ADGRL3: variants seen among roughly 807,000 people sequenced by gnomAD.
ADGRL3 encodes the protein calcium-independent alpha-latrotoxin receptor 3.
A neutral mutation model predicts 153.5 loss-of-function variants in ADGRL3; 62 were observed. The ratio of observed to expected loss-of-function variants is 0.40; its 90% CI spans 0.33 to 0.50. ADGRL3 has a LOEUF of 0.50. Among genes scored for constraint, ADGRL3 ranks in the 20% least tolerant of loss-of-function variants. The pLI is 0.47. For missense variants in ADGRL3, 1,641 were observed against 1,859.4 expected, an observed-to-expected ratio of 0.88 and a Z score of 2.16; for synonymous variants, 710 against 672.5, an observed-to-expected ratio of 1.06 and a Z score of -0.86.
chr4:61,677,831 C>T (rs1447065425), intron 6 of ADGRL3, among the ~76,000 whole-genome samples: 1 of 151,968 alleles, frequency 6.6e-6, no homozygotes. Context: ...TTGCCTCATT[C>T]ACGCTTATTA....
rs1215324786 is a variant in ADGRL3 at position 61,442,681 on chromosome 4, A to G, written c.-173-54440A>G. On this transcript the variant is annotated intron_variant, in intron 2 of 26. Coordinates refer to ENST00000683033, the MANE Select transcript of ADGRL3 (RefSeq NM_001387552.1). ...TCTGGGTTGGGTGATAGTGCTACCA[A>G]TTCAGAATAGAAAGCAGGAGGATTT... 3.3e-5 allele frequency among the ~76,000 whole-genome samples: 5 copies of G among 152,156 alleles called. No individual in the cohort carries two copies. The East Asian group carries it at 7.7e-4, about 23-fold the overall frequency.
intron 4 of ADGRL3, among the ~76,000 whole-genome samples, chr4:61,544,161 C>T (rs2148681335): frequency 6.6e-6 from 1 of 152,292 alleles, no homozygotes; most frequent in East Asian, 1.9e-4. Context: ...ATTGACCATT[C>T]TCCAGAATGA....
At chr4:62,066,456 A>G (rs777375713) in intron 25 of ADGRL3, among the ~76,000 whole-genome samples, 7 of 152,064 alleles carry the variant, frequency 4.6e-5, no homozygotes, top group Non-Finnish European at 7.4e-5. Context: ...AGGAATGAAG[A>G]TGAATAATAT....
intron 2 of ADGRL3, among the ~76,000 whole-genome samples, chr4:61,464,238 G>C (rs930215394): frequency 3.9e-5 from 6 of 152,132 alleles, no homozygotes; most frequent in Non-Finnish European, 8.8e-5. Context: ...CAGTTGCTTT[G>C]GAACAAATTT....
chr4:61,393,045 A>G (rs996125676), intron 2 of ADGRL3, among the ~76,000 whole-genome samples: 11 of 152,138 alleles, frequency 7.2e-5, no homozygotes, highest in African/African-American at 2.2e-4. Context: ...GGTTCTCTTC[A>G]TTCTAACCCT....
intron 1 of ADGRL3, among the ~76,000 whole-genome samples, chr4:61,331,902 C>T (rs940189542): frequency 6.6e-6 from 1 of 151,742 alleles, no homozygotes; most frequent in African/African-American, 2.4e-5. Flanking sequence ...ATTTTGAAAC[C>T]CTTTCATTAT....
chr4:61,287,725 G>A (rs2093995606), intron 1 of ADGRL3, among the ~76,000 whole-genome samples: 1 of 151,964 alleles, frequency 6.6e-6, no homozygotes, highest in East Asian at 1.9e-4. Context: ...GAGAGTGTGT[G>A]GGTCCTAATC....
chr4:61,471,197 C>A (rs1001660863), intron 2 of ADGRL3, among the ~76,000 whole-genome samples: 2 of 151,610 alleles, frequency 1.3e-5, no homozygotes, highest in African/African-American at 2.4e-5. Flanking sequence ...TCTCAAGCTT[C>A]TTTTTAGCAT....
intron 1 of ADGRL3, among the ~76,000 whole-genome samples, chr4:61,347,514 T>A (rs1249023582): frequency 6.6e-6 from 1 of 152,096 alleles, no homozygotes; most frequent in Non-Finnish European, 1.5e-5. Flanking sequence ...ATTCACCAAA[T>A]TGAAGAAAGC....
chr4:61,835,553 A>G (rs1427702219), intron 9 of ADGRL3, among the ~76,000 whole-genome samples: 2 of 152,116 alleles, frequency 1.3e-5, no homozygotes, highest in Non-Finnish European at 2.9e-5. Context: ...TTATTATCTG[A>G]CTTTAGCCAC....
chr4:61,271,580 C>T (rs1475004523), intron 1 of ADGRL3, among the ~76,000 whole-genome samples: 1 of 152,018 alleles, frequency 6.6e-6, no homozygotes, highest in Non-Finnish European at 1.5e-5. Context: ...AGTCTACCCA[C>T]ATTTCTGAAC....
Position 61,979,736 on chromosome 4 carries a change from G to C in ADGRL3, c.2979G>C (p.Leu993=). ...NLCISLFVAE[L]LFLIGINRTD... ...GCATCAGTCTCTTTGTAGCAGAGCT[G>C]CTCTTCCTGATTGGGATCAACCGAA... Residue 993 remains leucine (L), a synonymous_variant, in exon 18 of 27, where the codon CTG becomes CTC. Transcript: ENST00000683033. 6.2e-7 allele frequency: 1 copy of C among 1,613,896 alleles called. No individual in the cohort carries two copies.
chr4:62,024,156 T>C (rs1047878032), intron 21 of ADGRL3, among the ~76,000 whole-genome samples: 1 of 152,138 alleles, frequency 6.6e-6, no homozygotes, highest in Non-Finnish European at 1.5e-5. Context: ...AAATAAAATC[T>C]TATCTGTCAT....
intron 8 of ADGRL3, among the ~76,000 whole-genome samples, chr4:61,757,378 T>C (rs2096848290): frequency 6.6e-6 from 1 of 152,234 alleles, no homozygotes; most frequent in African/African-American, 2.4e-5. Flanking sequence ...AATTTTTCCA[T>C]TTCTTCTAGA....
chr4:61,279,011 T>A (rs1310499232), intron 1 of ADGRL3, among the ~76,000 whole-genome samples: 1 of 152,202 alleles, frequency 6.6e-6, no homozygotes, highest in African/African-American at 2.4e-5. Context: ...GTGTCTACAA[T>A]TTAGTGCTTT....
chr4:61,624,891 A>G (rs2092741062), intron 5 of ADGRL3, among the ~76,000 whole-genome samples: 4 of 152,230 alleles, frequency 2.6e-5, no homozygotes, highest in East Asian at 1.9e-4. Flanking sequence ...TAAGAAATCT[A>G]TTTTTTAAAA....
intron 4 of ADGRL3, among the ~76,000 whole-genome samples, chr4:61,585,082 T>C (rs868563620): frequency 2.0e-5 from 3 of 151,980 alleles, no homozygotes; most frequent in African/African-American, 7.2e-5. Context: ...CCTTTAATTG[T>C]GCTAACTCTC....
chr4:61,231,433 G>C (rs1750602139), intron 1 of ADGRL3, among the ~76,000 whole-genome samples: 1 of 152,052 alleles, frequency 6.6e-6, no homozygotes, highest in African/African-American at 2.4e-5. Context: ...TAGGGGTTGT[G>C]GGGGCGGAGT....
In ADGRL3 at chr4:61,200,989, G is replaced by A. The variant is rs1228589656; in HGVS notation, c.-1016G>A. On this transcript the variant is annotated 5_prime_UTR_variant, in exon 1 of 27. Coordinates refer to ENST00000683033, the MANE Select transcript of ADGRL3 (RefSeq NM_001387552.1). Reference sequence around the variant, plus strand: ...CGGGGAAGGAGTTTGTGTGGCTCTCGCTCCGGCTGTCCGCGGAGGTTGCGG... The same window carrying A: ...CGGGGAAGGAGTTTGTGTGGCTCTCACTCCGGCTGTCCGCGGAGGTTGCGG... Among the ~76,000 whole-genome samples the A allele has an allele frequency of 1.3e-5, 2 of 152,148 alleles. No homozygotes were observed. The highest frequency in any genetic ancestry group is 4.8e-5 in the African/African-American group (2 of 41,442).
Sources: gnomAD v4.1 joint callset for allele counts (sites outside exome capture counted in the v4.1 genomes callset) on GRCh38, gnomAD v4.1.1 for gene constraint, MANE v1.5 for transcripts, NCBI Gene and HGNC (gene_info 2026-07-23, HGNC 2026-07-21) for gene names.